Variants in KCNJ3 observed in about 807,000 individuals in gnomAD.
KCNJ3 encodes the protein potassium inwardly rectifying channel subfamily J member 3.
In KCNJ3, 4 loss-of-function variants were observed where a neutral mutation model predicts 39.2. The observed-to-expected ratio is 0.10, with a 90% CI of 0.05 to 0.23. KCNJ3 has a LOEUF of 0.23. Ranked by LOEUF, KCNJ3 falls within the 10% of genes least tolerant of loss-of-function variation. The pLI is 1.00. For missense variants in KCNJ3, 276 were observed against 634.9 expected, an observed-to-expected ratio of 0.43 and a Z score of 6.08; for synonymous variants, 230 against 237.4, an observed-to-expected ratio of 0.97 and a Z score of 0.29.
chr2:154,713,521 T>C (rs1414276227), intron 2 of KCNJ3, among the ~76,000 whole-genome samples: 5 of 152,166 alleles, frequency 3.3e-5, no homozygotes, highest in African/African-American at 1.2e-4. Context: ...GCTTCCTAAT[T>C]TTCTTGAGAG....
chr2:154,788,905 A>G (rs1357817907), intron 2 of KCNJ3, among the ~76,000 whole-genome samples: 3 of 151,980 alleles, frequency 2.0e-5, no homozygotes, highest in Non-Finnish European at 2.9e-5. Flanking sequence ...GTTACTCAAA[A>G]TTTGCCTCAG....
chr2:154,713,852 G>A (rs1685140504), intron 2 of KCNJ3, among the ~76,000 whole-genome samples: 2 of 152,134 alleles, frequency 1.3e-5, no homozygotes, highest in South Asian at 2.1e-4. Context: ...CTATTTGGCA[G>A]TCTTTTTAAT....
At chr2:154,731,672 TA>T (rs2105167721) in intron 2 of KCNJ3, among the ~76,000 whole-genome samples, 1 of 151,842 alleles carries the variant, frequency 6.6e-6, no homozygotes, top group African/African-American at 2.4e-5. Context: ...CATATGAAAT[TA>T]CCTTTTCAAA....
intron 2 of KCNJ3, among the ~76,000 whole-genome samples, chr2:154,741,753 A>G (rs1374839997): frequency 6.6e-6 from 1 of 151,950 alleles, no homozygotes; most frequent in African/African-American, 2.4e-5. Flanking sequence ...AGAGAAATAT[A>G]TATGCAAAGA....
At chr2:154,711,556 C>A (rs1453294927) in intron 2 of KCNJ3, among the ~76,000 whole-genome samples, 1 of 152,016 alleles carries the variant, frequency 6.6e-6, no homozygotes, top group Non-Finnish European at 1.5e-5. Flanking sequence ...GGAGTGAATG[C>A]GTTTTTCTAT....
At chr2:154,759,936 T>G (rs2961963) in intron 2 of KCNJ3, among the ~76,000 whole-genome samples, 1 of 151,970 alleles carries the variant, frequency 6.6e-6, no homozygotes, top group Non-Finnish European at 1.5e-5. Context: ...CACTGAAATC[T>G]GTATCATTTT....
intron 2 of KCNJ3, among the ~76,000 whole-genome samples, chr2:154,799,872 C>T (rs1428238227): frequency 2.0e-5 from 3 of 152,268 alleles, no homozygotes; most frequent in Admixed American, 2.0e-4. Flanking sequence ...AAGAAGCTTA[C>T]ATTCTAGTCA....
chr2:154,787,527 T>C (rs917492196), intron 2 of KCNJ3, among the ~76,000 whole-genome samples: 2 of 152,150 alleles, frequency 1.3e-5, no homozygotes, highest in Non-Finnish European at 1.5e-5. Context: ...AAAGGGTGAA[T>C]GTGACTATTC....
intron 2 of KCNJ3, among the ~76,000 whole-genome samples, chr2:154,791,287 G>T (rs911786202): frequency 6.6e-6 from 1 of 152,040 alleles, no homozygotes; most frequent in African/African-American, 2.4e-5. Flanking sequence ...GAAAGAGGAA[G>T]ATGGGGCGCC....
intron 2 of KCNJ3, among the ~76,000 whole-genome samples, chr2:154,744,198 G>T (rs1460987393): frequency 6.6e-6 from 1 of 151,610 alleles, no homozygotes; most frequent in Non-Finnish European, 1.5e-5. Flanking sequence ...ACCCTACTTG[G>T]TTATGATGTA....
chr2:154,806,641 A>G (rs1348670761), intron 2 of KCNJ3, among the ~76,000 whole-genome samples: 2 of 152,242 alleles, frequency 1.3e-5, no homozygotes, highest in East Asian at 3.9e-4. Context: ...CGAAAAAAAC[A>G]CTTTGTGGCC....
chr2:154,801,865 G>T (rs1045909976), intron 2 of KCNJ3, among the ~76,000 whole-genome samples: 1 of 152,090 alleles, frequency 6.6e-6, no homozygotes, highest in African/African-American at 2.4e-5. Flanking sequence ...GGGCTCAAGC[G>T]ATTCACCTGC....
chr2:154,721,214 C>T (rs569786672), intron 2 of KCNJ3, among the ~76,000 whole-genome samples: 3 of 152,170 alleles, frequency 2.0e-5, no homozygotes, highest in African/African-American at 4.8e-5. Flanking sequence ...ATCTTTTACG[C>T]AAAAGGTCAG....
intron 2 of KCNJ3, among the ~76,000 whole-genome samples, chr2:154,722,528 A>G (rs1327871597): frequency 6.6e-6 from 1 of 152,216 alleles, no homozygotes; most frequent in Non-Finnish European, 1.5e-5. Flanking sequence ...TCATATGGTT[A>G]GAGGTAGAGT....
chr2:154,834,818 T>C (rs986276936), intron 2 of KCNJ3, among the ~76,000 whole-genome samples: 5 of 152,086 alleles, frequency 3.3e-5, no homozygotes, highest in African/African-American at 1.2e-4. Context: ...CAGTAAATTT[T>C]AAATGATGCC....
chr2:154,793,455 T>TA (rs1357333618), intron 2 of KCNJ3, among the ~76,000 whole-genome samples: 4 of 152,168 alleles, frequency 2.6e-5, no homozygotes, highest in Admixed American at 1.3e-4. Flanking sequence ...CACCCCACTG[T>TA]ATGAGTGGTC....
chr2:154,717,817 T>G (rs1685206433), intron 2 of KCNJ3, among the ~76,000 whole-genome samples: 1 of 152,228 alleles, frequency 6.6e-6, no homozygotes, highest in Admixed American at 6.5e-5. Flanking sequence ...AATGTTTAGC[T>G]TTATTAATTA....
chr2:154,734,948 A>T (rs1164126547), intron 2 of KCNJ3, among the ~76,000 whole-genome samples: 3 of 152,210 alleles, frequency 2.0e-5, no homozygotes, highest in Non-Finnish European at 2.9e-5. Context: ...AAAAAGGGAG[A>T]CATTTTTTCC....
chr2:154,802,829 C>G (rs1686843020), intron 2 of KCNJ3, among the ~76,000 whole-genome samples: 1 of 151,940 alleles, frequency 6.6e-6, no homozygotes, highest in African/African-American at 2.4e-5. Flanking sequence ...AATTTATTGA[C>G]TTTTAGTTGG....
Sources: allele counts gnomAD v4.1 joint callset (sites outside exome capture counted in the v4.1 genomes callset), GRCh38; gene constraint gnomAD v4.1.1; transcripts MANE v1.5; gene names NCBI Gene and HGNC (gene_info 2026-07-23, HGNC 2026-07-21).